The following FAT1 variants were observed in gnomAD, a reference collection of about 807,000 sequenced individuals.
FAT1 encodes the protein protocadherin Fat 1.
In FAT1, 171 loss-of-function variants were observed where a neutral mutation model predicts 329.8. The ratio of observed to expected loss-of-function variants is 0.52; its 90% CI spans 0.46 to 0.59. FAT1 has a LOEUF of 0.59. Ranked by LOEUF, FAT1 falls within the 20% of genes least tolerant of loss-of-function variation. The pLI, the probability that FAT1 is intolerant of heterozygous loss-of-function variation, is 0.00. For synonymous variants in FAT1, 2,233 were observed against 2,228.6 expected, an observed-to-expected ratio of 1.00 and a Z score of -0.06; for missense variants, 5,672 against 5,774.4, an observed-to-expected ratio of 0.98 and a Z score of 0.57.
At chr4:186,616,077 G>A (rs992042422) in intron 11 of FAT1, among the ~76,000 whole-genome samples, 48 of 152,076 alleles carry the variant, frequency 3.2e-4, no homozygotes, top group Admixed American at 2.4e-3. Flanking sequence ...GGTCTTCCTC[G>A]GTGGTGGCTT....
At chr4:186,652,333 C>T (rs1741707667) in intron 3 of FAT1, among the ~76,000 whole-genome samples, 1 of 152,236 alleles carries the variant, frequency 6.6e-6, no homozygotes, top group South Asian at 2.1e-4. Flanking sequence ...ATCTCAGGCA[C>T]CCAAATGCAA....
At chr4:186,680,253 A>G (rs78413548) in intron 2 of FAT1, among the ~76,000 whole-genome samples, 2,887 of 152,328 alleles carry the variant, frequency 0.019, 91 homozygotes, top group African/African-American at 0.067. Flanking sequence ...TCTGTTCAAA[A>G]GAGACACGCA....
intron 9 of FAT1, among the ~76,000 whole-genome samples, chr4:186,623,891 ACT>A (rs1468464600): frequency 1.3e-5 from 2 of 152,096 alleles, no homozygotes; most frequent in African/African-American, 4.8e-5. Context: ...GGGCATCATG[ACT>A]CTGGTGAACA....
chr4:186,661,106 T>A (rs1218960277), intron 3 of FAT1, among the ~76,000 whole-genome samples: 1 of 152,220 alleles, frequency 6.6e-6, no homozygotes, highest in Non-Finnish European at 1.5e-5. Flanking sequence ...ACCTGAGATA[T>A]GACATATACG....
chr4:186,592,746 A>T (rs1174479121), intron 26 of FAT1: 2 of 456,590 alleles, frequency 4.4e-6, no homozygotes, highest in Non-Finnish European at 8.8e-6. Context: ...TACGGTCACT[A>T]TGGAAGCTTG....
upstream of FAT1, among the ~76,000 whole-genome samples, chr4:186,725,305 G>A (rs975374215): frequency 6.6e-6 from 1 of 152,068 alleles, no homozygotes; most frequent in Non-Finnish European, 1.5e-5. The surrounding 1 kb of genome is among the most constrained non-coding windows in gnomAD (Gnocchi z 5.4). Context: ...AACTCCAGCC[G>A]TTTCCTGGGA....
intron 1 of FAT1, among the ~76,000 whole-genome samples, chr4:186,710,252 A>G (rs1744890929): frequency 6.6e-6 from 1 of 152,230 alleles, no homozygotes; most frequent in Non-Finnish European, 1.5e-5. Flanking sequence ...TTAAATGATC[A>G]AAAGCTGGCA....
At chr4:186,725,345 G>A (rs139988912), upstream of FAT1, among the ~76,000 whole-genome samples, 1,344 of 152,118 alleles carry the variant, frequency 8.8e-3, 19 homozygotes, top group Middle Eastern at 0.071. This position sits in a 1 kb window ranked among gnomAD's most constrained non-coding sequence, Gnocchi z 5.4. Context: ...GCTAAAAGGG[G>A]AAAAGAAGAA....
At chr4:186,689,658 A>G (rs1406896171) in intron 2 of FAT1, among the ~76,000 whole-genome samples, 1 of 152,224 alleles carries the variant, frequency 6.6e-6, no homozygotes, top group Non-Finnish European at 1.5e-5. Flanking sequence ...ACACCAGTGT[A>G]ATAGGCTTTT....
At chr4:186,643,514 C>T (rs1462611116) in intron 3 of FAT1, among the ~76,000 whole-genome samples, 1 of 151,954 alleles carries the variant, frequency 6.6e-6, no homozygotes, top group Non-Finnish European at 1.5e-5. Context: ...GGTGATGCAC[C>T]CCCTCTGCGA....
chr4:186,622,462 G>A (rs971242009), intron 9 of FAT1, among the ~76,000 whole-genome samples: 1 of 152,126 alleles, frequency 6.6e-6, no homozygotes, highest in South Asian at 2.1e-4. Context: ...CTGGCGTCTC[G>A]TGGGTGGAGA....
At chr4:186,669,915 G>T (rs919694579) in intron 2 of FAT1, among the ~76,000 whole-genome samples, 14 of 152,130 alleles carry the variant, frequency 9.2e-5, no homozygotes, top group African/African-American at 2.9e-4. Context: ...CGCCACTGCT[G>T]GCCCCTGCTG....
chr4:186,692,817 C>T (rs116266152), intron 2 of FAT1, among the ~76,000 whole-genome samples: 1,881 of 152,160 alleles, frequency 0.012, 43 homozygotes, highest in African/African-American at 0.044. Flanking sequence ...AATTAATTAG[C>T]AGGAAGTGGT....
intron 22 of FAT1, among the ~76,000 whole-genome samples, chr4:186,599,436 T>C (rs912260930): frequency 2.6e-5 from 4 of 152,152 alleles, no homozygotes; most frequent in African/African-American, 9.7e-5. Context: ...CAGACAGATA[T>C]GGCAACACTT....
At chr4:186,607,509 G>A (rs1296336900) in intron 16 of FAT1, among the ~76,000 whole-genome samples, 1 of 151,894 alleles carries the variant, frequency 6.6e-6, no homozygotes, top group Non-Finnish European at 1.5e-5. Context: ...ATGGGTAGAT[G>A]GATAACTAGA....
intron 26 of FAT1, chr4:186,590,707 G>A (rs1973352): frequency 0.44 from 198,097 of 454,824 alleles, 44,415 homozygotes; most frequent in Middle Eastern, 0.54. Context: ...TGAAAACACA[G>A]AATTTCCTTA....
upstream of FAT1, among the ~76,000 whole-genome samples, chr4:186,726,039 C>G (rs1363468348): frequency 6.6e-6 from 1 of 152,234 alleles, no homozygotes; most frequent in Non-Finnish European, 1.5e-5. Flanking sequence ...CCCTGCAAAT[C>G]TCGCGGCCCC....
rs1739737561 is a variant in FAT1, at chr4:186,616,880, CT to C, written c.9075+124del. ...CCAAGTCTTACCCCATTTAACACCT[CT>C]GCTTAATCAGTAAGTGATCATAAAA... On this transcript the variant is annotated intron_variant, in intron 11 of 26. Coordinates refer to ENST00000441802, the MANE Select transcript of FAT1 (RefSeq NM_005245.4). 8.7e-6 allele frequency: 7 copies of C among 807,364 alleles called. 1 individual carries two copies. In the Admixed American group the frequency reaches 2.0e-4, roughly 23 times the overall value. 50.0% of individuals were successfully genotyped at this position (807,364 alleles called of 1,614,324 possible).
chr4:186,713,024 CTT>C (rs1242228878), intron 1 of FAT1, among the ~76,000 whole-genome samples: 1 of 151,896 alleles, frequency 6.6e-6, no homozygotes, highest in East Asian at 1.9e-4. Context: ...TGCTTTTAGA[CTT>C]ACAGAAAAGT....
Sources: allele counts gnomAD v4.1 joint callset (sites outside exome capture counted in the v4.1 genomes callset), GRCh38; gene constraint gnomAD v4.1.1; non-coding constraint Gnocchi (gnomAD v3.1); transcripts MANE v1.5; gene names NCBI Gene and HGNC (gene_info 2026-07-23, HGNC 2026-07-21).